Variants in TNPO2 observed in about 807,000 individuals in gnomAD.
The protein encoded by TNPO2 is transportin-2.
TNPO2 carries 16 observed loss-of-function variants against 111.1 expected under a neutral mutation model. That is an observed-to-expected ratio of 0.14 (90% CI 0.10 to 0.22). The LOEUF (loss-of-function observed/expected upper bound fraction) is 0.22. Ranked by LOEUF, TNPO2 falls within the 10% of genes least tolerant of loss-of-function variation. The pLI, the probability that TNPO2 is intolerant of heterozygous loss-of-function variation, is 1.00. For synonymous variants in TNPO2, 481 were observed against 475.8 expected (o/e 1.01, Z -0.14); for missense variants, 530 against 1,173.7 (o/e 0.45, Z 8.01).
chr19:12,706,908 TA>T lies in TNPO2; in HGVS notation c.1271-114del. 1.1e-6 allele frequency: 1 copy of T among 901,198 alleles called. No homozygotes were observed. Among genetic ancestry groups the T allele is most frequent in the East Asian group, 2.7e-5 (1 of 37,728 alleles). 55.8% of individuals were successfully genotyped at this position (901,198 alleles called of 1,614,324 possible). ...TATAGGGAAACTGAGGCTTAGAGTT[TA>T]AATCACTGGCCCAGACTCATTTCAC... On this transcript the variant is annotated intron_variant, in intron 13 of 25. Coordinates refer to ENST00000425528, the MANE Select transcript of TNPO2 (RefSeq NM_001382241.1). This position sits in a 1 kb window ranked among gnomAD's most constrained non-coding sequence, Gnocchi z 7.0.
Position 12,715,252 on chromosome 19 carries a change from G to C in TNPO2, c.639C>G (p.Thr213=). The change falls in exon 8 of 26, where the codon ACC becomes ACG. Residue 213 remains threonine (T), a synonymous_variant. Transcript: ENST00000425528. The surrounding 1 kb of genome is among the most constrained non-coding windows in gnomAD (Gnocchi z 7.1). ...RAQALMDNID[T]FIEHLFALAV... ...CAGCCCAGCGGCCCACCTCGATGAAGGTGTCAATATTGTCCATCAGCGCCT... is the reference window on the plus strand; with the variant it reads ...CAGCCCAGCGGCCCACCTCGATGAACGTGTCAATATTGTCCATCAGCGCCT... The C allele has an allele frequency of 6.2e-7, 1 of 1,613,700 alleles. No individual in the cohort carries two copies.
Position 12,701,212 on chromosome 19 carries a change from G to C in TNPO2, c.*52C>G, listed in dbSNP as rs1319004001. ...ACTTCCGGATGCAGCGCACTCCCCA[G>C]TAATCCCTCCGACGACGACGCAGAC... On this transcript the variant is annotated 3_prime_UTR_variant, in exon 26 of 26. Transcript: ENST00000425528. This position sits in a 1 kb window ranked among gnomAD's most constrained non-coding sequence, Gnocchi z 5.0. 11 of 692,492 alleles carry C rather than the reference G, an allele frequency of 1.6e-5. No homozygotes were observed. Among genetic ancestry groups the C allele is most frequent in the Non-Finnish European group, 2.2e-5 (9 of 413,820 alleles). The allele number at this position is 692,492 out of a possible 1,614,324, so 42.9% of individuals were successfully genotyped here.
At chr19:12,718,804 T>C (rs1445976665) in intron 5 of TNPO2, among the ~76,000 whole-genome samples, 1 of 152,184 alleles carries the variant, frequency 6.6e-6, no homozygotes, top group Non-Finnish European at 1.5e-5. Context: ...GAGGGAGTGG[T>C]TCCAGAGCGT....
chr19:12,706,558 G>A lies in TNPO2; in HGVS notation c.1496+12C>T. The A allele has an allele frequency of 2.5e-6, 4 of 1,613,608 alleles. No individual in the cohort carries two copies. The highest frequency in any genetic ancestry group is 1.1e-5 in the South Asian group (1 of 91,072). On this transcript the variant is annotated intron_variant, in intron 14 of 25. Transcript: ENST00000425528. This position sits in a 1 kb window ranked among gnomAD's most constrained non-coding sequence, Gnocchi z 7.0. ...GAGAGTGGGGGCTGTGGGATCAGGG[G>A]TCCAGGGTCACCTGCAGGCCGCCTC...
chr19:12,711,421 T>C lies in TNPO2; in HGVS notation c.992A>G (p.Gln331Arg). The change falls in exon 12 of 26, where the codon CAG becomes CGG. Residue 331 changes from glutamine (Q) to arginine (R), a missense_variant. Around this residue, in one of 4 missense-constraint regions of TNPO2, gnomAD observed 88 missense variants for 130.2 expected, o/e 0.68. Coordinates refer to ENST00000425528, the MANE Select transcript of TNPO2 (RefSeq NM_001382241.1). ...CTTGTGGAAGCGTGGCTTGATGTCC[T>C]GCTCACTGTCGGGGACAGCCTCATC... ...EEDEAVPDSE[Q>R]DIKPRFHKSR... The C allele has an allele frequency of 6.2e-7, 1 of 1,614,048 alleles. No homozygotes were observed. The highest frequency in any genetic ancestry group is 8.5e-7 in the Non-Finnish European group (1 of 1,179,896).
At chr19:12,714,800 G>T (rs1568337466) in intron 10 of TNPO2, 21 bp downstream of exon 10, 2 of 1,603,696 alleles carry the variant, frequency 1.2e-6, no homozygotes, top group South Asian at 2.2e-5. Flanking sequence ...GGGTAGGACA[G>T]TGGGCAGCAG....
At position 12,700,498 on chromosome 19, in the gene TNPO2, A is replaced by G. The variant is rs1239902402; in HGVS notation, c.*766T>C. On this transcript the variant is annotated 3_prime_UTR_variant, in exon 26 of 26. Transcript: ENST00000425528. ...TCCAGTGGTTCTCACCCTGCGAGCT[A>G]GGCTAGGATAAGGACGGAGACACCA... 6.6e-6 allele frequency: 1 copy of G among 152,264 alleles called. No homozygotes were observed. The highest frequency in any genetic ancestry group is 1.5e-5 in the Non-Finnish European group (1 of 68,122). The allele number at this position is 152,264 out of a possible 1,614,324, so 9.4% of individuals were successfully genotyped here.
rs1299647039 is a variant in TNPO2 at position 12,715,578 on chromosome 19, G to A, written c.433-40C>T. The A allele has an allele frequency of 6.2e-7, 1 of 1,613,626 alleles. No individual in the cohort carries two copies. The highest frequency in any genetic ancestry group is 8.5e-7 in the Non-Finnish European group (1 of 1,179,612). On this transcript the variant is annotated intron_variant, in intron 6 of 25. Transcript: ENST00000425528. This position sits in a 1 kb window ranked among gnomAD's most constrained non-coding sequence, Gnocchi z 7.1. ...GCAGAGAGACAAACGTGGGTGGTGGGTGGTGGTCCCAGCCCCCCAGTACTC... is the reference window on the plus strand; with the variant it reads ...GCAGAGAGACAAACGTGGGTGGTGGATGGTGGTCCCAGCCCCCCAGTACTC...
Position 12,706,325 on chromosome 19 carries a change from C to T in TNPO2, c.1539G>A (p.Val513=), listed in dbSNP as rs1282689641. 1 of 1,614,032 alleles carries T rather than the reference C, an allele frequency of 6.2e-7. No homozygotes were observed. Among genetic ancestry groups the T allele is most frequent in the Non-Finnish European group, 8.5e-7 (1 of 1,179,922 alleles). Reference sequence around the variant, plus strand: ...TGTCCAGGATGTAGCTGAGGTAGGGCACCAGCTCCGTGCAGGCCTCTTCCT... The same window carrying T: ...TGTCCAGGATGTAGCTGAGGTAGGGTACCAGCTCCGTGCAGGCCTCTTCCT... The part of the protein sequence containing the change: ...TLEEEACTEL[V]PYLSYILDTL... The change falls in exon 15 of 26, where the codon GTG becomes GTA. Residue 513 remains valine (V), a synonymous_variant. Coordinates refer to ENST00000425528, the MANE Select transcript of TNPO2 (RefSeq NM_001382241.1). The surrounding 1 kb of genome is among the most constrained non-coding windows in gnomAD (Gnocchi z 7.0).
At chr19:12,703,934 C>T in intron 18 of TNPO2, 133 bp from the exon 19 acceptor site, 3 of 737,028 alleles carry the variant, frequency 4.1e-6, no homozygotes, top group Non-Finnish European at 6.7e-6. Flanking sequence ...GTTCCTTAAC[C>T]TCCCTAGCCT....
At chr19:12,712,392 G>A (rs527639403) in intron 10 of TNPO2, among the ~76,000 whole-genome samples, 25 of 152,304 alleles carry the variant, frequency 1.6e-4, no homozygotes, top group Non-Finnish European at 2.5e-4. Flanking sequence ...ACCTCTTGTG[G>A]AGGGCCTGAC....
rs1295054115 is a variant in TNPO2 at position 12,721,998 on chromosome 19, C to T, written c.-13-1008G>A. ...GCCTCGAAGTCAGATCCAAGAAAAC[C>T]CTCTAGGCCGAAGTCTGACGCCCCT... is the stretch of plus-strand genomic sequence containing the variant. On this transcript the variant is annotated intron_variant, in intron 2 of 25. Coordinates refer to ENST00000425528, the MANE Select transcript of TNPO2 (RefSeq NM_001382241.1). The surrounding 1 kb of genome is among the most constrained non-coding windows in gnomAD (Gnocchi z 4.9). 6.6e-6 allele frequency: 1 copy of T among 151,872 alleles called. No individual in the cohort carries two copies. The allele number at this position is 151,872 out of a possible 1,614,324, so 9.4% of individuals were successfully genotyped here.
At chr19:12,716,352 T>C (rs889438362) in intron 5 of TNPO2, among the ~76,000 whole-genome samples, 2 of 151,226 alleles carry the variant, frequency 1.3e-5, no homozygotes, top group Admixed American at 6.6e-5. Flanking sequence ...GGGCCGTGCA[T>C]GGGTGGCTCA....
Position 12,715,552 on chromosome 19 carries a change from G to A in TNPO2, c.433-14C>T, listed in dbSNP as rs1281569286. On this transcript the variant is annotated splice_polypyrimidine_tract_variant and intron_variant, in intron 6 of 25. Coordinates refer to ENST00000425528, the MANE Select transcript of TNPO2 (RefSeq NM_001382241.1). This position sits in a 1 kb window ranked among gnomAD's most constrained non-coding sequence, Gnocchi z 7.1. ...TCCAAAGGCTCCCTGAGTGCAGAGG[G>A]GCAGAGAGACAAACGTGGGTGGTGG... 2.5e-6 allele frequency: 4 copies of A among 1,613,748 alleles called. No homozygotes were observed. In the African/African-American group the frequency reaches 5.3e-5, roughly 22 times the overall value.
intron 3 of TNPO2, among the ~76,000 whole-genome samples, chr19:12,720,124 C>T (rs930570223): frequency 1.3e-5 from 2 of 152,136 alleles, no homozygotes; most frequent in African/African-American, 4.8e-5. Context: ...TCAAGCGATT[C>T]TCCTGCCTCA....
At chr19:12,710,567 G>C in intron 13 of TNPO2, 54 bp downstream of exon 13, 1 of 1,588,728 alleles carries the variant, frequency 6.3e-7, no homozygotes, top group East Asian at 2.3e-5. Context: ...TAGTAATGTG[G>C]GCCAGCCCTA....
Position 12,715,044 on chromosome 19 carries a change from C to T in TNPO2, c.771+3G>A, listed in dbSNP as rs2026289215. 1 of 1,571,980 alleles carries T rather than the reference C, an allele frequency of 6.4e-7. No homozygotes were observed. Among genetic ancestry groups the T allele is most frequent in the Non-Finnish European group, 8.6e-7 (1 of 1,158,230 alleles). On this transcript the variant is annotated splice_donor_region_variant and intron_variant, in intron 9 of 25. Coordinates refer to ENST00000425528, the MANE Select transcript of TNPO2 (RefSeq NM_001382241.1). The surrounding 1 kb of genome is among the most constrained non-coding windows in gnomAD (Gnocchi z 7.1). ...CGCCTGGGCTGGCCTTGACCATGCA[C>T]ACCTGGATGATGCTGTGCATGTGGG... is the stretch of plus-strand genomic sequence containing the variant.
At chr19:12,713,242 G>T (rs2026163679) in intron 10 of TNPO2, among the ~76,000 whole-genome samples, 1 of 152,122 alleles carries the variant, frequency 6.6e-6, no homozygotes, top group Admixed American at 6.6e-5. Context: ...TAGGCAGCCA[G>T]CCCCTCAGCT....
At chr19:12,707,007 A>G (rs1322751588) in intron 13 of TNPO2, among the ~76,000 whole-genome samples, 2 of 151,294 alleles carry the variant, frequency 1.3e-5, no homozygotes, top group African/African-American at 4.9e-5. Flanking sequence ...GGTTATCTTT[A>G]TTTTTTTTTG....
Sources: gnomAD v4.1 joint callset for allele counts (sites outside exome capture counted in the v4.1 genomes callset) on GRCh38, gnomAD v4.1.1 for gene constraint, gnomAD v4.1.1 regional missense constraint, Gnocchi (gnomAD v3.1) non-coding constraint, MANE v1.5 for transcripts, NCBI Gene and HGNC (gene_info 2026-07-23, HGNC 2026-07-21) for gene names.